Variants in GLIS3 observed in about 807,000 individuals in gnomAD.
GLIS3 encodes the protein GLIS family zinc finger 3, also known as zinc finger protein GLIS3.
GLIS3 carries 53 observed loss-of-function variants against 78.6 expected under a neutral mutation model. The observed-to-expected ratio is 0.67, with a 90% CI of 0.54 to 0.85. The LOEUF (loss-of-function observed/expected upper bound fraction) is 0.85. Ranked by LOEUF, GLIS3 falls within the 40% of genes least tolerant of loss-of-function variation. GLIS3 has a pLI of 0.00. For synonymous variants in GLIS3, 684 were observed against 509.9 expected (o/e 1.34, Z -4.60); for missense variants, 1,703 against 1,231.1 (o/e 1.38, Z -5.74).
At chr9:4,369,855 T>C in the GLIS3 span, among the ~76,000 whole-genome samples, 2 of 152,034 alleles carry the variant, frequency 1.3e-5, no homozygotes, top group African/African-American at 2.4e-5. Context: ...AAAGGAAGCA[T>C]GCAATTGCAG....
intron 4 of GLIS3, among the ~76,000 whole-genome samples, chr9:4,042,852 A>G (rs1357984601): frequency 2.0e-5 from 3 of 152,068 alleles, no homozygotes; most frequent in Non-Finnish European, 4.4e-5. Context: ...TCTAAAGGAA[A>G]TTATATTGAG....
At chr9:4,428,706 G>A in the GLIS3 span, among the ~76,000 whole-genome samples, 1 of 151,928 alleles carries the variant, frequency 6.6e-6, no homozygotes, top group Admixed American at 6.6e-5. Flanking sequence ...AGTATATAGG[G>A]TCATTCAAAG....
At chr9:3,879,103 C>T (rs1172694861) in intron 8 of GLIS3, among the ~76,000 whole-genome samples, 2 of 152,026 alleles carry the variant, frequency 1.3e-5, no homozygotes, top group African/African-American at 4.8e-5. Flanking sequence ...AGTGCTTCGA[C>T]CTGCATATAC....
intron 4 of GLIS3, among the ~76,000 whole-genome samples, chr9:4,084,256 AACACACACACACACACACACAC>A (rs370384726): frequency 3.8e-5 from 5 of 132,120 alleles, no homozygotes; most frequent in East Asian, 2.3e-4. Context: ...TCCTCTCTCT[AACACACACACACACACACACAC>A]ACACACACAC....
the GLIS3 span, among the ~76,000 whole-genome samples, chr9:4,369,696 G>T: frequency 1.3e-5 from 2 of 152,298 alleles, no homozygotes; most frequent in South Asian, 4.1e-4. Context: ...ATGGTCAAAT[G>T]TGATTATTGG....
chr9:4,372,712 A>T, the GLIS3 span, among the ~76,000 whole-genome samples: 2 of 152,214 alleles, frequency 1.3e-5, no homozygotes, highest in African/African-American at 4.8e-5. Context: ...CTGCTTAAAT[A>T]CATGATTTTC....
At chr9:3,950,927 T>G (rs916333549) in intron 4 of GLIS3, among the ~76,000 whole-genome samples, 3 of 152,210 alleles carry the variant, frequency 2.0e-5, no homozygotes, top group Admixed American at 2.0e-4. Flanking sequence ...CCACTCAGAA[T>G]AACCATAAAT....
At chr9:3,952,567 A>AG (rs1816771680) in intron 4 of GLIS3, among the ~76,000 whole-genome samples, 1 of 152,208 alleles carries the variant, frequency 6.6e-6, no homozygotes, top group Non-Finnish European at 1.5e-5. Context: ...AGCCTGTCAC[A>AG]GTGCCTGGAA....
chr9:3,828,436 A>G (rs1817849379), intron 10 of GLIS3, 28 bp from the exon 11 acceptor site: 1 of 1,611,388 alleles, frequency 6.2e-7, no homozygotes, highest in African/African-American at 1.3e-5. Flanking sequence ...CAGTTAAGTC[A>G]GTAACTCCTG....
intron 4 of GLIS3, among the ~76,000 whole-genome samples, chr9:3,960,787 C>G (rs1258067893): frequency 6.6e-6 from 1 of 152,176 alleles, no homozygotes; most frequent in Non-Finnish European, 1.5e-5. Context: ...TGGTGCCTTA[C>G]AAAAATTTTG....
intron 4 of GLIS3, among the ~76,000 whole-genome samples, chr9:4,115,804 G>A (rs1205747921): frequency 6.6e-6 from 1 of 152,122 alleles, no homozygotes; most frequent in Non-Finnish European, 1.5e-5. Flanking sequence ...ACTATTACAT[G>A]TGTAAATAAA....
At chr9:4,357,192 G>A in the GLIS3 span, among the ~76,000 whole-genome samples, 1 of 152,206 alleles carries the variant, frequency 6.6e-6, no homozygotes, top group Non-Finnish European at 1.5e-5. Context: ...TGGGTTACAA[G>A]GTGCCCAGAA....
chr9:3,912,858 TGG>T (rs1403602517), intron 6 of GLIS3, among the ~76,000 whole-genome samples: 1 of 152,224 alleles, frequency 6.6e-6, no homozygotes, highest in Non-Finnish European at 1.5e-5. Context: ...GGCCTGGTTA[TGG>T]AGTTGTGAAG....
intron 4 of GLIS3, among the ~76,000 whole-genome samples, chr9:4,031,476 G>A (rs1008069712): frequency 6.6e-6 from 1 of 152,236 alleles, no homozygotes; most frequent in Non-Finnish European, 1.5e-5. Context: ...GTTGCCTGTG[G>A]CTGAGAGGAG....
At chr9:4,384,028 A>G in the GLIS3 span, among the ~76,000 whole-genome samples, 2 of 152,190 alleles carry the variant, frequency 1.3e-5, no homozygotes, top group Admixed American at 6.5e-5. Flanking sequence ...TTGGCTGCCA[A>G]TCAGTCATGT....
chr9:4,124,345 G>A (rs1161842553), intron 3 of GLIS3, among the ~76,000 whole-genome samples: 2 of 152,180 alleles, frequency 1.3e-5, no homozygotes, highest in African/African-American at 4.8e-5. Context: ...CTCTCTGGCC[G>A]ACCCATAAAA....
intron 4 of GLIS3, among the ~76,000 whole-genome samples, chr9:3,970,501 G>C (rs1233902243): frequency 6.6e-6 from 1 of 152,020 alleles, no homozygotes; most frequent in African/African-American, 2.4e-5. Context: ...GTTTGCCATA[G>C]ACATCTTCTT....
intron 4 of GLIS3, among the ~76,000 whole-genome samples, chr9:4,035,230 T>C (rs1297642386): frequency 1.3e-5 from 2 of 152,138 alleles, no homozygotes; most frequent in Non-Finnish European, 2.9e-5. Context: ...ATCTCCATTT[T>C]ACAGGTGAAA....
At chr9:4,202,383 C>G (rs1281994701) in intron 2 of GLIS3, among the ~76,000 whole-genome samples, 1 of 150,780 alleles carries the variant, frequency 6.6e-6, no homozygotes, top group South Asian at 2.1e-4. Context: ...GAACTCCTGA[C>G]CTTGTGATCC....
Sources: allele counts gnomAD v4.1 joint callset (sites outside exome capture counted in the v4.1 genomes callset), GRCh38; gene constraint gnomAD v4.1.1; transcripts MANE v1.5; gene names NCBI Gene and HGNC (gene_info 2026-07-23, HGNC 2026-07-21).